AMBRA1: variants seen among roughly 807,000 people sequenced by gnomAD.
AMBRA1 encodes the protein autophagy and beclin 1 regulator 1.
A neutral mutation model predicts 125.4 loss-of-function variants in AMBRA1; 47 were observed. The ratio of observed to expected loss-of-function variants is 0.37; its 90% CI spans 0.30 to 0.48. AMBRA1 has a LOEUF of 0.48. Ranked by LOEUF, AMBRA1 falls within the 20% of genes least tolerant of loss-of-function variation. The pLI, the probability that AMBRA1 is intolerant of heterozygous loss-of-function variation, is 0.99. For missense variants in AMBRA1, 1,331 were observed against 1,693.4 expected (o/e 0.79, Z 3.76); for synonymous variants, 626 against 655.5 (o/e 0.95, Z 0.69).
At chr11:46,484,943 G>T (rs1950213266) in intron 11 of AMBRA1, among the ~76,000 whole-genome samples, 1 of 145,954 alleles carries the variant, frequency 6.9e-6, no homozygotes, top group Non-Finnish European at 1.5e-5. Flanking sequence ...CTGTGCCCAG[G>T]CTTTTTTTTT....
chr11:46,525,726 G>A (rs1951939768), intron 7 of AMBRA1, among the ~76,000 whole-genome samples: 1 of 152,036 alleles, frequency 6.6e-6, no homozygotes, highest in Non-Finnish European at 1.5e-5. Context: ...ACTCCAGCCT[G>A]GGCAACAGAG....
chr11:46,475,528 A>G (rs1381571231), intron 11 of AMBRA1, among the ~76,000 whole-genome samples: 2 of 152,204 alleles, frequency 1.3e-5, no homozygotes, highest in African/African-American at 4.8e-5. Context: ...ATCCAATGAA[A>G]AATGAAAATG....
chr11:46,420,399 C>T (rs1946795714), intron 14 of AMBRA1, among the ~76,000 whole-genome samples: 1 of 152,204 alleles, frequency 6.6e-6, no homozygotes, highest in Admixed American at 6.5e-5. Flanking sequence ...GCTATTCTCA[C>T]TCAGCCTCAC....
chr11:46,559,563 C>G (rs2043263867), intron 1 of AMBRA1, among the ~76,000 whole-genome samples: 1 of 152,128 alleles, frequency 6.6e-6, no homozygotes, highest in Non-Finnish European at 1.5e-5. Context: ...AGTGGATATT[C>G]TGATAGCAGA....
At chr11:46,532,038 G>C (rs903026441) in intron 7 of AMBRA1, among the ~76,000 whole-genome samples, 9 of 151,860 alleles carry the variant, frequency 5.9e-5, no homozygotes, top group Admixed American at 2.6e-4. Flanking sequence ...AGAATCACTT[G>C]AACCTGGGAG....
intron 7 of AMBRA1, among the ~76,000 whole-genome samples, chr11:46,521,298 T>C (rs973294109): frequency 6.6e-6 from 1 of 152,254 alleles, no homozygotes; most frequent in Non-Finnish European, 1.5e-5. Context: ...ATAAATGCAG[T>C]GCAGTCTGGT....
At chr11:46,588,613 T>TAA (rs61588181) in intron 1 of AMBRA1, among the ~76,000 whole-genome samples, 2 of 142,292 alleles carry the variant, frequency 1.4e-5, no homozygotes, top group African/African-American at 5.1e-5. Context: ...CCGTCTCTAC[T>TAA]AAAAAAAAAA....
At chr11:46,483,839 AG>A (rs1203999191) in intron 11 of AMBRA1, among the ~76,000 whole-genome samples, 5 of 152,134 alleles carry the variant, frequency 3.3e-5, no homozygotes, top group African/African-American at 1.2e-4. Flanking sequence ...TGGAGGTTGC[AG>A]GAGTGTGCCA....
intron 1 of AMBRA1, among the ~76,000 whole-genome samples, chr11:46,550,958 G>A (rs973343884): frequency 6.6e-6 from 1 of 151,136 alleles, no homozygotes; most frequent in African/African-American, 2.4e-5. Context: ...ATAGCCAGAC[G>A]TGGTGGCAGG....
chr11:46,454,116 TGA>T (rs1948738905), intron 11 of AMBRA1, among the ~76,000 whole-genome samples: 1 of 152,132 alleles, frequency 6.6e-6, no homozygotes, highest in Non-Finnish European at 1.5e-5. Flanking sequence ...AATGATAGTC[TGA>T]GAGTTCAACA....
intron 1 of AMBRA1, among the ~76,000 whole-genome samples, chr11:46,565,167 G>T (rs1402143910): frequency 2.6e-5 from 4 of 151,694 alleles, no homozygotes; most frequent in Non-Finnish European, 5.9e-5. Flanking sequence ...TGAGGTGGGA[G>T]AAATCACTTG....
chr11:46,558,548 C>CAAAA (rs58748629), intron 1 of AMBRA1, among the ~76,000 whole-genome samples: 1 of 38,732 alleles, frequency 2.6e-5, no homozygotes, highest in African/African-American at 8.0e-5. Context: ...GACTCCCTCT[C>CAAAA]AAAAAAAAAA....
intron 1 of AMBRA1, among the ~76,000 whole-genome samples, chr11:46,588,153 T>C (rs2044468066): frequency 6.6e-6 from 1 of 152,108 alleles, no homozygotes; most frequent in Non-Finnish European, 1.5e-5. Flanking sequence ...GCCAACATGG[T>C]GAAACCTGGT....
intron 11 of AMBRA1, among the ~76,000 whole-genome samples, chr11:46,478,980 C>T (rs1949944939): frequency 6.6e-6 from 1 of 152,180 alleles, no homozygotes; most frequent in South Asian, 2.1e-4. Flanking sequence ...GGTAGGATCG[C>T]TTGAGCCCAA....
intron 1 of AMBRA1, among the ~76,000 whole-genome samples, chr11:46,561,246 T>C (rs2043327716): frequency 6.6e-6 from 1 of 152,026 alleles, no homozygotes; most frequent in African/African-American, 2.4e-5. Flanking sequence ...CTGGGCGTGG[T>C]GTCACGCGCC....
At chr11:46,465,361 C>T (rs1949281853) in intron 11 of AMBRA1, among the ~76,000 whole-genome samples, 2 of 152,178 alleles carry the variant, frequency 1.3e-5, no homozygotes. Context: ...ATCCTTTCAA[C>T]GGCAATCATC....
chr11:46,515,819 G>GTA (rs1480860589), intron 7 of AMBRA1, among the ~76,000 whole-genome samples: 3 of 152,142 alleles, frequency 2.0e-5, no homozygotes, highest in Non-Finnish European at 4.4e-5. Flanking sequence ...GGGATTAAAG[G>GTA]CATGCGCCAC....
chr11:46,485,345 C>T (rs1950229037), intron 11 of AMBRA1, among the ~76,000 whole-genome samples: 1 of 152,170 alleles, frequency 6.6e-6, no homozygotes, highest in Admixed American at 6.5e-5. Context: ...CGCTTATAGT[C>T]CCACTCAAAA....
chr11:46,406,242 C>T (rs893497592), intron 17 of AMBRA1, among the ~76,000 whole-genome samples: 2 of 151,408 alleles, frequency 1.3e-5, no homozygotes, highest in East Asian at 2.0e-4. Context: ...TTAGTAGAGA[C>T]AGCGTTTCAC....
Sources: gnomAD v4.1 joint callset for allele counts (sites outside exome capture counted in the v4.1 genomes callset) on GRCh38, gnomAD v4.1.1 for gene constraint, MANE v1.5 for transcripts, NCBI Gene and HGNC (gene_info 2026-07-23, HGNC 2026-07-21) for gene names.